The following IGSF21 variants were observed in gnomAD, a reference collection of about 807,000 sequenced individuals.
IGSF21 encodes the protein immunoglobin superfamily member 21.
IGSF21 carries 28 observed loss-of-function variants against 46.8 expected under a neutral mutation model. The observed-to-expected ratio is 0.60, with a 90% CI of 0.44 to 0.82. The LOEUF (loss-of-function observed/expected upper bound fraction) is 0.82, where lower values mean the gene tolerates loss of function less well. IGSF21 is among the 40% of genes least tolerant of loss of function. The probability of loss-of-function intolerance (pLI) is 0.00; values close to 1 mark genes in which losing one functional copy is unlikely to be tolerated. For missense variants in IGSF21, 624 were observed against 665.5 expected (o/e 0.94, Z 0.69); for synonymous variants, 284 against 273.6 (o/e 1.04, Z -0.38).
chr1:18,240,056 T>C (rs1400429547), intron 2 of IGSF21, among the ~76,000 whole-genome samples: 1 of 152,170 alleles, frequency 6.6e-6, no homozygotes, highest in Non-Finnish European at 1.5e-5. Context: ...GAAGGATAGA[T>C]CGCTTGACCC....
intron 1 of IGSF21, among the ~76,000 whole-genome samples, chr1:18,127,743 A>G (rs958352521): frequency 2.6e-5 from 4 of 152,096 alleles, no homozygotes; most frequent in Non-Finnish European, 5.9e-5. Context: ...TCTCTACCAA[A>G]CAAATAAAGA....
intron 1 of IGSF21, among the ~76,000 whole-genome samples, chr1:18,173,734 A>G (rs1453656231): frequency 6.6e-6 from 1 of 152,072 alleles, no homozygotes; most frequent in African/African-American, 2.4e-5. Flanking sequence ...GTTTTGTTTT[A>G]TTTTATGTAT....
In IGSF21 at chr1:18,307,811, C is replaced by G. The variant is rs187306023; in HGVS notation, c.305+15824C>G. On this transcript the variant is annotated intron_variant, in intron 3 of 9. Coordinates refer to ENST00000251296, the MANE Select transcript of IGSF21 (RefSeq NM_032880.5). ...TCTGACTCCTAAGCTGCGGTGAGGG[C>G]TGTAGTGGTTCTCATCTTCAGGGTG... Among the ~76,000 whole-genome samples, 18 of 152,306 alleles carry G rather than the reference C, an allele frequency of 1.2e-4. No individual in the cohort carries two copies. The East Asian group carries it at 3.5e-3, about 29-fold the overall frequency.
At chr1:18,111,954 A>G (rs1391694206) in intron 1 of IGSF21, 1 of 152,152 alleles carries the variant, frequency 6.6e-6, no homozygotes, top group African/African-American at 2.4e-5. Flanking sequence ...TGCTACTCTG[A>G]TATTTCAGAA....
intron 3 of IGSF21, among the ~76,000 whole-genome samples, chr1:18,318,458 G>GTGCA (rs1384471805): frequency 4.3e-4 from 41 of 96,236 alleles, no homozygotes; most frequent in African/African-American, 1.4e-3. Flanking sequence ...GCACGTGTGC[G>GTGCA]TGCGTGCGTG....
intron 2 of IGSF21, among the ~76,000 whole-genome samples, chr1:18,267,703 T>C (rs2085003352): frequency 2.6e-5 from 4 of 152,194 alleles, no homozygotes; most frequent in Admixed American, 2.6e-4. Flanking sequence ...GGAGGCTGCT[T>C]TCCTTGGACC....
chr1:18,187,828 G>C (rs2883731), intron 1 of IGSF21, among the ~76,000 whole-genome samples: 78,971 of 152,000 alleles, frequency 0.52, 23,141 homozygotes, highest in South Asian at 0.74. Flanking sequence ...TACGTAACAG[G>C]CAGTTATGTT....
At chr1:18,363,720 G>C (rs1387197390) in intron 5 of IGSF21, among the ~76,000 whole-genome samples, 1 of 151,402 alleles carries the variant, frequency 6.6e-6, no homozygotes, top group East Asian at 1.9e-4. Context: ...GACACAGGTG[G>C]GGTGATGGGC....
At chr1:18,255,747 T>C (rs1238057348) in intron 2 of IGSF21, among the ~76,000 whole-genome samples, 1 of 152,150 alleles carries the variant, frequency 6.6e-6, no homozygotes, top group Admixed American at 6.6e-5. Context: ...CCAAGTCTTG[T>C]CAATTCCACT....
chr1:18,300,807 C>G (rs375901883), intron 3 of IGSF21, among the ~76,000 whole-genome samples: 24 of 152,230 alleles, frequency 1.6e-4, no homozygotes, highest in Non-Finnish European at 2.5e-4. Flanking sequence ...CCTCCTACCC[C>G]CAGAGCTCTA....
chr1:18,255,868 C>T (rs1236286951), intron 2 of IGSF21, among the ~76,000 whole-genome samples: 1 of 152,176 alleles, frequency 6.6e-6, no homozygotes, highest in East Asian at 1.9e-4. Context: ...CCCAACTTGC[C>T]CAGAGGTGCA....
intron 1 of IGSF21, among the ~76,000 whole-genome samples, chr1:18,176,853 T>C (rs774300360): frequency 1.3e-5 from 2 of 152,232 alleles, no homozygotes; most frequent in African/African-American, 2.4e-5. Context: ...ACCCTGGGGC[T>C]TTAAGGACAA....
Position 18,108,022 on chromosome 1 carries a change from T to C in IGSF21, c.-107T>C, listed in dbSNP as rs1200615487. The C allele has an allele frequency of 4.9e-6, 2 of 409,386 alleles. No homozygotes were observed. The highest frequency in any genetic ancestry group is 7.7e-6 in the Non-Finnish European group (2 of 261,158). The allele number at this position is 409,386 out of a possible 1,614,324, so 25.4% of individuals were successfully genotyped here. A position where few individuals can be genotyped will look rare whatever the true frequency, so the allele number is the denominator to read the frequency against. ...GCTCTCCGCGCTGCCCGCCACCGCC[T>C]CGGCCAGTGGCCGGAGGCAGGAGCG... On this transcript the variant is annotated 5_prime_UTR_variant, in exon 1 of 10. Coordinates refer to ENST00000251296, the MANE Select transcript of IGSF21 (RefSeq NM_032880.5).
chr1:18,129,062 G>T (rs1230506214), intron 1 of IGSF21, among the ~76,000 whole-genome samples: 1 of 152,122 alleles, frequency 6.6e-6, no homozygotes, highest in African/African-American at 2.4e-5. Flanking sequence ...TTAAGGTGGC[G>T]GTCCGTGCAT....
At chr1:18,292,067 C>T (rs994213634) in intron 3 of IGSF21, 80 bp downstream of exon 3, 3 of 1,417,150 alleles carry the variant, frequency 2.1e-6, no homozygotes, top group Admixed American at 3.7e-5. Flanking sequence ...GTTCTCCAGC[C>T]CTTTCACATC....
At chr1:18,374,652 A>G (rs1414124370) in intron 6 of IGSF21, among the ~76,000 whole-genome samples, 1 of 151,920 alleles carries the variant, frequency 6.6e-6, no homozygotes, top group Non-Finnish European at 1.5e-5. Context: ...GGCATTTCAG[A>G]TGTCTTGCTT....
intron 3 of IGSF21, among the ~76,000 whole-genome samples, chr1:18,331,818 A>T (rs1328440185): frequency 2.0e-5 from 3 of 152,206 alleles, no homozygotes; most frequent in Admixed American, 2.0e-4. Context: ...AGGATCTATT[A>T]GGAGTAGAAC....
At chr1:18,191,732 C>A (rs888582021) in intron 1 of IGSF21, among the ~76,000 whole-genome samples, 1 of 152,110 alleles carries the variant, frequency 6.6e-6, no homozygotes, top group South Asian at 2.1e-4. Flanking sequence ...TGTTTCCCTG[C>A]GATTTTCTTT....
chr1:18,183,748 G>C (rs1310598688), intron 1 of IGSF21, among the ~76,000 whole-genome samples: 1 of 152,178 alleles, frequency 6.6e-6, no homozygotes, highest in African/African-American at 2.4e-5. Context: ...GTTGAACTGT[G>C]TAGTTCATTC....
Sources: allele counts gnomAD v4.1 joint callset (sites outside exome capture counted in the v4.1 genomes callset), GRCh38; gene constraint gnomAD v4.1.1; transcripts MANE v1.5; gene names NCBI Gene and HGNC (gene_info 2026-07-23, HGNC 2026-07-21).